NUBPL: variants seen among roughly 807,000 people sequenced by gnomAD.
NUBPL encodes the protein iron-sulfur cluster transfer protein NUBPL.
Under a neutral mutation model 45.7 loss-of-function variants are expected in NUBPL, and 31 were observed. That is an observed-to-expected ratio of 0.68 (90% CI 0.51 to 0.92). NUBPL has a LOEUF of 0.92. Among genes scored for constraint, NUBPL ranks in the 40% least tolerant of loss-of-function variants. The probability of loss-of-function intolerance (pLI) is 0.00; values close to 1 mark genes in which losing one functional copy is unlikely to be tolerated. For missense variants in NUBPL, 401 were observed against 398.7 expected, an observed-to-expected ratio of 1.01 and a Z score of -0.05; for synonymous variants, 144 against 140.9, an observed-to-expected ratio of 1.02 and a Z score of -0.15.
intron 8 of NUBPL, among the ~76,000 whole-genome samples, chr14:31,841,931 T>G (rs1189505055): frequency 4.1e-5 from 5 of 123,040 alleles, no homozygotes; most frequent in Non-Finnish European, 3.4e-5. Flanking sequence ...TTTTTTTTTT[T>G]TTTTTTTTTT....
At position 31,703,229 on chromosome 14, in the gene NUBPL, A is replaced by G. The variant is rs533987198; in HGVS notation, c.513+29655A>G. ...AAGTGCCCTGTTTAACCATGATCCT[A>G]GGACTTTATAAACTGGCATCTCGTG... On this transcript the variant is annotated intron_variant, in intron 6 of 10. Transcript: ENST00000281081. 2.6e-5 allele frequency: 4 copies of G among 152,464 alleles called. No individual in the cohort carries two copies. In the East Asian group the frequency reaches 7.7e-4, roughly 29 times the overall value. The allele number at this position is 152,464 out of a possible 1,614,324, so 9.4% of individuals were successfully genotyped here.
intron 7 of NUBPL, among the ~76,000 whole-genome samples, chr14:31,813,679 C>T (rs1312076221): frequency 1.3e-5 from 2 of 152,202 alleles, no homozygotes; most frequent in South Asian, 2.1e-4. Context: ...AATGCTATCT[C>T]TCCCCTGGCC....
chr14:31,620,145 GT>G (rs1349963589), intron 4 of NUBPL, among the ~76,000 whole-genome samples: 1 of 151,728 alleles, frequency 6.6e-6, no homozygotes, highest in Non-Finnish European at 1.5e-5. Flanking sequence ...TGTCATTTAT[GT>G]TCTTTAAACC....
chr14:31,824,028 C>T (rs1213669628), intron 7 of NUBPL, among the ~76,000 whole-genome samples: 1 of 151,924 alleles, frequency 6.6e-6, no homozygotes, highest in Non-Finnish European at 1.5e-5. Flanking sequence ...TGCCTGATAG[C>T]CTTTAGGAAA....
intron 6 of NUBPL, among the ~76,000 whole-genome samples, chr14:31,759,336 A>G (rs7149151): frequency 0.46 from 70,403 of 151,772 alleles, 17,648 homozygotes; most frequent in African/African-American, 0.67. Flanking sequence ...TTTTGGAATT[A>G]CCTTTATAAT....
chr14:31,719,711 A>G (rs570664394), intron 6 of NUBPL, among the ~76,000 whole-genome samples: 2 of 150,428 alleles, frequency 1.3e-5, no homozygotes, highest in Non-Finnish European at 3.0e-5. Context: ...TAATTAGACA[A>G]TAAGAAAAAA....
intron 3 of NUBPL, 98 bp from the exon 4 acceptor site, chr14:31,599,191 A>C: frequency 1.1e-6 from 1 of 898,188 alleles, no homozygotes; most frequent in Non-Finnish European, 1.8e-6. Flanking sequence ...CTGTACTCAG[A>C]TTACTGTTGC....
chr14:31,752,722 A>G (rs372110756), intron 6 of NUBPL, among the ~76,000 whole-genome samples: 3 of 152,350 alleles, frequency 2.0e-5, no homozygotes, highest in African/African-American at 7.2e-5. Flanking sequence ...GGTTATCTTT[A>G]TAGCAGTACC....
At chr14:31,669,196 A>G (rs2378936) in intron 4 of NUBPL, among the ~76,000 whole-genome samples, 45,998 of 151,916 alleles carry the variant, frequency 0.3, 7,698 homozygotes, top group South Asian at 0.41. Flanking sequence ...ATAATTGCAT[A>G]TATTTATGGG....
At chr14:31,574,165 C>T (rs866821729) in intron 3 of NUBPL, among the ~76,000 whole-genome samples, 2 of 152,226 alleles carry the variant, frequency 1.3e-5, no homozygotes, top group South Asian at 4.1e-4. Flanking sequence ...CAGTGGCTGA[C>T]CTATCATAAG....
chr14:31,627,272 A>G (rs1321955406), intron 4 of NUBPL, among the ~76,000 whole-genome samples: 1 of 152,150 alleles, frequency 6.6e-6, no homozygotes, highest in African/African-American at 2.4e-5. Context: ...TGAGAAACCA[A>G]GAAGTAATTA....
intron 6 of NUBPL, among the ~76,000 whole-genome samples, chr14:31,705,804 T>G (rs2037437055): frequency 6.6e-6 from 1 of 152,072 alleles, no homozygotes; most frequent in African/African-American, 2.4e-5. Flanking sequence ...CGTGGGACTT[T>G]GCACCACCTA....
At chr14:31,635,541 T>C (rs1427816300) in intron 4 of NUBPL, among the ~76,000 whole-genome samples, 1 of 152,028 alleles carries the variant, frequency 6.6e-6, no homozygotes, top group African/African-American at 2.4e-5. Context: ...CCAGCTTTGT[T>C]CTTTTGGCTC....
intron 6 of NUBPL, among the ~76,000 whole-genome samples, chr14:31,786,528 A>T (rs1384826810): frequency 6.6e-6 from 1 of 150,498 alleles, no homozygotes; most frequent in Non-Finnish European, 1.5e-5. Context: ...TTATGTATTT[A>T]TGAGGATAGT....
chr14:31,570,132 A>G (rs1165064274), intron 3 of NUBPL, among the ~76,000 whole-genome samples: 1 of 152,192 alleles, frequency 6.6e-6, no homozygotes, highest in South Asian at 2.1e-4. Flanking sequence ...ATAAACATAT[A>G]CTGTGGAAGC....
At chr14:31,766,827 G>T (rs567701524) in intron 6 of NUBPL, among the ~76,000 whole-genome samples, 5 of 152,252 alleles carry the variant, frequency 3.3e-5, no homozygotes, top group African/African-American at 1.2e-4. Context: ...CCCAAAAGGG[G>T]TTGTTGGCAC....
intron 6 of NUBPL, among the ~76,000 whole-genome samples, chr14:31,706,185 T>G (rs1363412346): frequency 6.6e-6 from 1 of 152,078 alleles, no homozygotes; most frequent in Non-Finnish European, 1.5e-5. Context: ...CCAACTGCTG[T>G]TGGGAATTTG....
chr14:31,699,678 A>G (rs2037290071), intron 6 of NUBPL, among the ~76,000 whole-genome samples: 1 of 152,174 alleles, frequency 6.6e-6, no homozygotes, highest in African/African-American at 2.4e-5. Flanking sequence ...TTGTTTCCCA[A>G]GTTCTCATTC....
At position 31,599,380 on chromosome 14, in the gene NUBPL, G is replaced by A. The variant is rs755618596; in HGVS notation, c.382+1G>A. ...AAAGGAAATCCGGAATTATCACAGA[G>A]TAAGTAAAGAAGGGATAAATATTAT... On this transcript the variant is annotated splice_donor_variant, in intron 4 of 10. Coordinates refer to ENST00000281081, the MANE Select transcript of NUBPL (RefSeq NM_025152.3). LOFTEE classifies it high-confidence loss of function. 1.9e-6 allele frequency: 3 copies of A among 1,596,302 alleles called. No homozygotes were observed. Among genetic ancestry groups the A allele is most frequent in the Non-Finnish European group, 2.6e-6 (3 of 1,164,492 alleles).
Sources: gnomAD v4.1 joint callset for allele counts (sites outside exome capture counted in the v4.1 genomes callset) on GRCh38, gnomAD v4.1.1 for gene constraint, MANE v1.5 for transcripts, NCBI Gene and HGNC (gene_info 2026-07-23, HGNC 2026-07-21) for gene names.